The following ODAD1 variants were observed in gnomAD, a reference collection of about 807,000 sequenced individuals.
The protein encoded by ODAD1 is outer dynein arm-docking complex subunit 1.
Under a neutral mutation model 67.2 loss-of-function variants are expected in ODAD1, and 49 were observed. The ratio of observed to expected loss-of-function variants is 0.73; its 90% CI spans 0.58 to 0.92. The LOEUF (loss-of-function observed/expected upper bound fraction) is 0.92. Among genes scored for constraint, ODAD1 ranks in the 40% least tolerant of loss-of-function variants. The probability of loss-of-function intolerance (pLI) is 0.00; values close to 1 mark genes in which losing one functional copy is unlikely to be tolerated. For synonymous variants in ODAD1, 345 were observed against 393.7 expected (o/e 0.88, Z 1.46); for missense variants, 897 against 953.7 (o/e 0.94, Z 0.78).
intron 7 of ODAD1, among the ~76,000 whole-genome samples, chr19:48,308,331 C>T (rs1177352218): frequency 6.6e-6 from 1 of 152,118 alleles, no homozygotes; most frequent in East Asian, 1.9e-4. Flanking sequence ...TGCACCACCA[C>T]ACCTGGCTAA....
intron 12 of ODAD1, 48 bp from the exon 13 acceptor site, chr19:48,298,388 G>C: frequency 6.3e-7 from 1 of 1,595,196 alleles, no homozygotes; most frequent in Non-Finnish European, 8.6e-7. Flanking sequence ...CGCCAGCTGG[G>C]TGCCAGCCCT....
intron 12 of ODAD1, among the ~76,000 whole-genome samples, chr19:48,301,892 G>A (rs1968472674): frequency 6.6e-6 from 1 of 151,616 alleles, no homozygotes; most frequent in Non-Finnish European, 1.5e-5. Flanking sequence ...TAGGACAGAT[G>A]AAGGGGTAGA....
rs758221101 is a variant in ODAD1, at chr19:48,297,465, G to A, written c.1635C>T (p.Ala545=). The change falls in exon 16 of 16, where the codon GCC becomes GCT. Residue 545 remains alanine, a synonymous_variant. Coordinates refer to ENST00000674294, the MANE Select transcript of ODAD1 (RefSeq NM_001364171.2). ...EAQRQKDLAA[A]AAKLDGTLSV... ...TCAGGGTGCCGTCCAGCTTCGCGGCGGCGGCGGCCAGGTCCTTCTGGCGCT... is the reference window on the plus strand; with the variant it reads ...TCAGGGTGCCGTCCAGCTTCGCGGCAGCGGCGGCCAGGTCCTTCTGGCGCT... The A allele has an allele frequency of 3.3e-5, 53 of 1,601,142 alleles. No homozygotes were observed. The East Asian group carries it at 3.8e-4, about 11-fold the overall frequency.
At chr19:48,304,666 A>G (rs912770360) in intron 8 of ODAD1, among the ~76,000 whole-genome samples, 7 of 151,042 alleles carry the variant, frequency 4.6e-5, no homozygotes, top group Non-Finnish European at 8.8e-5. Context: ...GTGCGACATC[A>G]TATTAGAAAC....
At chr19:48,308,864 G>A (rs993240242) in intron 7 of ODAD1, among the ~76,000 whole-genome samples, 10 of 152,166 alleles carry the variant, frequency 6.6e-5, no homozygotes, top group South Asian at 2.1e-4. Context: ...CTGCCCTCCC[G>A]GGTGCAGCTG....
At chr19:48,319,276 C>T (rs1282509740) in intron 3 of ODAD1, among the ~76,000 whole-genome samples, 1 of 152,064 alleles carries the variant, frequency 6.6e-6, no homozygotes, top group Non-Finnish European at 1.5e-5. Context: ...CCTTCCTGCA[C>T]AGTCCCAGAG....
chr19:48,319,229 C>T (rs755511723), intron 3 of ODAD1, among the ~76,000 whole-genome samples: 3 of 152,068 alleles, frequency 2.0e-5, no homozygotes, highest in Admixed American at 6.6e-5. Flanking sequence ...TCCTCTCCTA[C>T]CTGGACCATC....
At chr19:48,311,508 G>A (rs1354519518) in intron 7 of ODAD1, 45 bp downstream of exon 7, 1 of 1,133,980 alleles carries the variant, frequency 8.8e-7, no homozygotes, top group Non-Finnish European at 1.3e-6. Flanking sequence ...GGGAGGACCT[G>A]CGCAGGGGTC....
rs1265476030 is a variant in ODAD1, at chr19:48,306,327, T to C, written c.598-4A>G. On this transcript the variant is annotated splice_region_variant and splice_polypyrimidine_tract_variant and intron_variant, in intron 7 of 15. Coordinates refer to ENST00000674294, the MANE Select transcript of ODAD1 (RefSeq NM_001364171.2). ...GGTGATGCAGGTGGTGGATCTCCTG[T>C]GGGGGGAGGAGAAAAAAATCAGTGC... is the stretch of plus-strand genomic sequence containing the variant. The C allele has an allele frequency of 6.4e-7, 1 of 1,550,872 alleles. No homozygotes were observed. The highest frequency in any genetic ancestry group is 8.7e-7 in the Non-Finnish European group (1 of 1,146,488).
rs769708387 is a variant in ODAD1, at chr19:48,297,321, A to G, written c.1779T>C (p.Ser593=). ...GGCCGCCAAAAGTGACGTGGCCAAG[A>G]GAGCCACGGTCTCTGCTAGTCTTGT... ...LSHKTSRDRG[S]LGHVTFGGLS... The change falls in exon 16 of 16, where the codon TCT becomes TCC. Residue 593 remains serine, a synonymous_variant. Coordinates refer to ENST00000674294, the MANE Select transcript of ODAD1 (RefSeq NM_001364171.2). 9 of 1,613,288 alleles carry G rather than the reference A, an allele frequency of 5.6e-6. No homozygotes were observed. The highest frequency in any genetic ancestry group is 1.1e-5 in the South Asian group (1 of 91,092).
chr19:48,303,665 G>T lies in ODAD1; in HGVS notation c.973C>A (p.Gln325Lys). 1 of 1,614,130 alleles carries T rather than the reference G, an allele frequency of 6.2e-7. No homozygotes were observed. The highest frequency in any genetic ancestry group is 8.5e-7 in the Non-Finnish European group (1 of 1,179,986). Residue 325 changes from glutamine (Q) to lysine (K), a missense_variant, in exon 10 of 16, where the codon CAG (glutamine) becomes AAG (lysine). Gln to Lys is a moderately conservative substitution (Grantham distance 53). Coordinates refer to ENST00000674294, the MANE Select transcript of ODAD1 (RefSeq NM_001364171.2). ...CCCCACTCACTCTCCAGATACTTCT[G>T]CACCAACAGGTCAGGGTCACTCTCC... ...MGESDPDLLV[Q>K]KYLEIEERNF...
chr19:48,303,114 G>A lies in ODAD1; in HGVS notation c.989-19C>T. ...TCCTCGACTGGGAGAGTTGGGCAAG[G>A]CGGGGCCCAGAGAGAGGGAGACAGA... On this transcript the variant is annotated intron_variant, in intron 10 of 15. Transcript: ENST00000674294. 6.3e-7 allele frequency: 1 copy of A among 1,586,532 alleles called. No homozygotes were observed. Among genetic ancestry groups the A allele is most frequent in the Non-Finnish European group, 8.7e-7 (1 of 1,155,286 alleles).
chr19:48,317,610 G>A (rs553993100), intron 5 of ODAD1, among the ~76,000 whole-genome samples: 3 of 152,032 alleles, frequency 2.0e-5, no homozygotes, highest in African/African-American at 7.2e-5. Context: ...GCCTGGGACT[G>A]TGCTAAAGCA....
At position 48,296,673 on chromosome 19, in the gene ODAD1, G is replaced by A; in HGVS notation, c.*303C>T. ...AGGTGGGGGATCCACAGGGGGCCAG[G>A]GCTCAGCAGACAGGGAAGGGGCAGA... On this transcript the variant is annotated 3_prime_UTR_variant, in exon 16 of 16. Coordinates refer to ENST00000674294, the MANE Select transcript of ODAD1 (RefSeq NM_001364171.2). 1 of 897,958 alleles carries A rather than the reference G, an allele frequency of 1.1e-6. No homozygotes were observed. The highest frequency in any genetic ancestry group is 1.4e-6 in the Non-Finnish European group (1 of 691,424). The allele number at this position is 897,958 out of a possible 1,614,324, so 55.6% of individuals were successfully genotyped here. A position where few individuals can be genotyped will look rare whatever the true frequency, so the allele number is the denominator to read the frequency against.
In ODAD1 at chr19:48,321,720, C is replaced by T. The variant is rs1171645426; in HGVS notation, c.-106G>A. The T allele has an allele frequency of 5.0e-6, 2 of 397,548 alleles. No individual in the cohort carries two copies. The highest frequency in any genetic ancestry group is 8.9e-6 in the Non-Finnish European group (2 of 225,518). 24.6% of individuals were successfully genotyped at this position (397,548 alleles called of 1,614,324 possible). A position where few individuals can be genotyped will look rare whatever the true frequency, so the allele number is the denominator to read the frequency against. On this transcript the variant is annotated 5_prime_UTR_variant, in exon 1 of 16. Coordinates refer to ENST00000674294, the MANE Select transcript of ODAD1 (RefSeq NM_001364171.2). ...CGGGAGTTGAAAGAGCCTGCGGTGA[C>T]CTGTATGGAAGCCCTCGAAGCCAGG...
At chr19:48,311,780 G>T in intron 6 of ODAD1, 114 bp from the exon 7 acceptor site, 1 of 813,750 alleles carries the variant, frequency 1.2e-6, no homozygotes, top group Non-Finnish European at 2.1e-6. Flanking sequence ...TGTTTCCTGA[G>T]AAACAGAGGT....
At chr19:48,307,822 CAA>C (rs71181675) in intron 7 of ODAD1, among the ~76,000 whole-genome samples, 15 of 99,902 alleles carry the variant, frequency 1.5e-4, no homozygotes, top group Non-Finnish European at 1.8e-4. Context: ...GACTCCGTCT[CAA>C]AAAAAAAAAA....
chr19:48,300,452 A>G (rs981463495), intron 12 of ODAD1, among the ~76,000 whole-genome samples: 2 of 152,202 alleles, frequency 1.3e-5, no homozygotes, highest in East Asian at 1.9e-4. Flanking sequence ...AAAACACAGC[A>G]TAATGCCTTT....
In ODAD1 at chr19:48,320,807, G is replaced by GCCGTATCATTAAAAAA; in HGVS notation, c.-60_-59insTTTTTTAATGATACGG. 1 of 155,668 alleles carries GCCGTATCATTAAAAAA rather than the reference G, an allele frequency of 6.4e-6. No homozygotes were observed. Among genetic ancestry groups the GCCGTATCATTAAAAAA allele is most frequent in the Non-Finnish European group, 1.4e-5 (1 of 69,448 alleles). The allele number at this position is 155,668 out of a possible 1,614,324, so 9.6% of individuals were successfully genotyped here. On this transcript the variant is annotated 5_prime_UTR_variant, in exon 2 of 16. It adds an upstream start codon to the 5' untranslated region. Transcript: ENST00000674294. ...TGCTCCAAGTTCAGTGTTGTGGTCT[G>GCCGTATCATTAAAAAA]GTTACTGGGGAGATAAGGGACCAAT...
Sources: gnomAD v4.1 joint callset for allele counts (sites outside exome capture counted in the v4.1 genomes callset) on GRCh38, gnomAD v4.1.1 for gene constraint, MANE v1.5 for transcripts, NCBI Gene and HGNC (gene_info 2026-07-23, HGNC 2026-07-21) for gene names.